Variants in LGR6 observed in about 807,000 individuals in gnomAD.
The protein encoded by LGR6 is leucine rich repeat containing G protein-coupled receptor 6.
In LGR6, 45 loss-of-function variants were observed where a neutral mutation model predicts 69.4. That is an observed-to-expected ratio of 0.65 (90% CI 0.51 to 0.83). The LOEUF is 0.83. LGR6 is among the 40% of genes least tolerant of loss of function. LGR6 has a pLI of 0.00. For synonymous variants in LGR6, 538 were observed against 555.0 expected, an observed-to-expected ratio of 0.97 and a Z score of 0.43; for missense variants, 1,108 against 1,246.7, an observed-to-expected ratio of 0.89 and a Z score of 1.68.
At chr1:202,271,760 A>G (rs1665119740) in intron 4 of LGR6, among the ~76,000 whole-genome samples, 1 of 139,438 alleles carries the variant, frequency 7.2e-6, no homozygotes, top group African/African-American at 2.6e-5. Context: ...GTGAGCTGGG[A>G]TTGCACCATG....
At chr1:202,204,687 ACAC>A (rs1293348366) in intron 1 of LGR6, among the ~76,000 whole-genome samples, 12 of 102,004 alleles carry the variant, frequency 1.2e-4, no homozygotes, top group Non-Finnish European at 1.8e-4. Context: ...AAACACACAC[ACAC>A]CCCCAAACAC....
chr1:202,310,527 C>T (rs1039280862), intron 16 of LGR6, among the ~76,000 whole-genome samples, 170 bp downstream of exon 16: 2 of 152,142 alleles, frequency 1.3e-5, no homozygotes, highest in African/African-American at 2.4e-5. Context: ...TCTGTTTGCA[C>T]TTTGTCTCTC....
chr1:202,239,625 C>T (rs182581954), intron 4 of LGR6, among the ~76,000 whole-genome samples: 1 of 152,034 alleles, frequency 6.6e-6, no homozygotes, highest in African/African-American at 2.4e-5. Flanking sequence ...GAAGAGGCTC[C>T]TAAACCAAGG....
chr1:202,273,322 G>A (rs978529189), intron 4 of LGR6, among the ~76,000 whole-genome samples: 1 of 152,314 alleles, frequency 6.6e-6, no homozygotes, highest in East Asian at 1.9e-4. Flanking sequence ...AGGGAGTCAG[G>A]CTTCCTGGGT....
intron 1 of LGR6, among the ~76,000 whole-genome samples, chr1:202,224,078 C>T (rs1159684565): frequency 6.6e-6 from 1 of 152,012 alleles, no homozygotes; most frequent in African/African-American, 2.4e-5. Context: ...GGCCCAACGT[C>T]TGATAGGTAA....
At chr1:202,227,027 A>T (rs1321449393) in intron 2 of LGR6, among the ~76,000 whole-genome samples, 2 of 152,190 alleles carry the variant, frequency 1.3e-5, no homozygotes, top group Non-Finnish European at 2.9e-5. Flanking sequence ...GACCCATTTT[A>T]GAGGCTCCAC....
chr1:202,264,859 A>G (rs3010079), intron 4 of LGR6, among the ~76,000 whole-genome samples: 93,079 of 151,920 alleles, frequency 0.61, 29,247 homozygotes, highest in East Asian at 0.83. Context: ...CGCCCCCGCC[A>G]CCACCCCAGG....
intron 3 of LGR6, among the ~76,000 whole-genome samples, chr1:202,231,385 G>A (rs901027028): frequency 6.6e-6 from 1 of 152,172 alleles, no homozygotes; most frequent in Non-Finnish European, 1.5e-5. Context: ...ACCTGGCTCG[G>A]GGGAGAAGGC....
intron 16 of LGR6, among the ~76,000 whole-genome samples, chr1:202,312,225 G>C (rs1562962): frequency 0.091 from 13,786 of 152,298 alleles, 801 homozygotes; most frequent in Non-Finnish European, 0.13. Context: ...AGCCAGATTC[G>C]ATTTCCTCCT....
chr1:202,283,163 A>G (rs529572470), intron 6 of LGR6, among the ~76,000 whole-genome samples: 1 of 151,896 alleles, frequency 6.6e-6, no homozygotes, highest in Admixed American at 6.5e-5. Flanking sequence ...CCTGCCCTAC[A>G]CTCCTTTCTC....
Position 202,226,440 on chromosome 1 carries a change from C to T in LGR6, c.284+946C>T, listed in dbSNP as rs181056525. ...TTCGCAAACTGTGAGTTCCTGGCCC[C>T]GAAAGCATTCACAATTTCACCTCTA... On this transcript the variant is annotated intron_variant, in intron 2 of 17. Transcript: ENST00000367278. Among the ~76,000 whole-genome samples the T allele has an allele frequency of 2.6e-3, 398 of 152,260 alleles. 1 individual carries two copies. The highest frequency in any genetic ancestry group is 9.4e-3 in the African/African-American group (392 of 41,536).
At chr1:202,201,480 C>A (rs944829350) in intron 1 of LGR6, among the ~76,000 whole-genome samples, 4 of 152,218 alleles carry the variant, frequency 2.6e-5, no homozygotes, top group African/African-American at 9.7e-5. Context: ...TCCCCACTTA[C>A]CAATGAGGAA....
At chr1:202,216,843 G>A (rs968844898) in intron 1 of LGR6, among the ~76,000 whole-genome samples, 2 of 152,212 alleles carry the variant, frequency 1.3e-5, no homozygotes, top group African/African-American at 4.8e-5. Context: ...CACACATTAT[G>A]CAATCCCAGT....
chr1:202,299,249 G>C (rs927925208), intron 7 of LGR6, among the ~76,000 whole-genome samples: 7 of 137,916 alleles, frequency 5.1e-5, no homozygotes, highest in Admixed American at 2.2e-4. Context: ...GACAAAGTGA[G>C]ACTCTGTCTC....
intron 6 of LGR6, among the ~76,000 whole-genome samples, chr1:202,283,114 G>T (rs1385435299): frequency 6.6e-6 from 1 of 152,206 alleles, no homozygotes; most frequent in Non-Finnish European, 1.5e-5. Flanking sequence ...GAGATGATGT[G>T]TGTAAAATTC....
chr1:202,280,680 A>G (rs993404844), intron 5 of LGR6, 101 bp from the exon 6 acceptor site: 3 of 1,032,948 alleles, frequency 2.9e-6, no homozygotes, highest in East Asian at 2.4e-5. Context: ...CATTCTGTCC[A>G]TGCTTCTGCC....
rs142984905 is a variant in LGR6 at position 202,275,017 on chromosome 1, C to T, written c.429-1289C>T. Among the ~76,000 whole-genome samples the T allele has an allele frequency of 1.1e-3, 174 of 152,318 alleles. 1 individual carries two copies. Among genetic ancestry groups the T allele is most frequent in the African/African-American group, 3.9e-3 (163 of 41,570 alleles). ...GCTTGAGGTCTTCACAGAGAGAGCACTGATGAGATGCTCAGGGAAAAGACA... is the reference window on the plus strand; with the variant it reads ...GCTTGAGGTCTTCACAGAGAGAGCATTGATGAGATGCTCAGGGAAAAGACA... On this transcript the variant is annotated intron_variant, in intron 4 of 17. Transcript: ENST00000367278.
chr1:202,219,054 G>A (rs564097740), intron 1 of LGR6, among the ~76,000 whole-genome samples: 40 of 152,270 alleles, frequency 2.6e-4, no homozygotes, highest in Non-Finnish European at 5.4e-4. Context: ...CTTAGCATTC[G>A]TCTAATGGAA....
intron 4 of LGR6, among the ~76,000 whole-genome samples, chr1:202,272,921 G>C (rs898817830): frequency 6.6e-6 from 1 of 152,186 alleles, no homozygotes; most frequent in Non-Finnish European, 1.5e-5. Context: ...TCTCAGCTCA[G>C]CCACAATCTC....
Sources: gnomAD v4.1 joint callset for allele counts (sites outside exome capture counted in the v4.1 genomes callset) on GRCh38, gnomAD v4.1.1 for gene constraint, MANE v1.5 for transcripts, NCBI Gene and HGNC (gene_info 2026-07-23, HGNC 2026-07-21) for gene names.